Variants in NUSAP1 observed in about 807,000 individuals in gnomAD.
NUSAP1 encodes the protein nucleolar and spindle associated protein 1, also known as nucleolar and spindle-associated protein 1.
Under a neutral mutation model 52.8 loss-of-function variants are expected in NUSAP1, and 32 were observed. The ratio of observed to expected loss-of-function variants is 0.61; its 90% CI spans 0.46 to 0.81. The LOEUF is 0.81. Among genes scored for constraint, NUSAP1 ranks in the 40% least tolerant of loss-of-function variants. The pLI is 0.00. For missense variants in NUSAP1, 499 were observed against 522.3 expected, an observed-to-expected ratio of 0.96 and a Z score of 0.43; for synonymous variants, 195 against 183.1, an observed-to-expected ratio of 1.06 and a Z score of -0.52.
chr15:41,362,020 C>T (rs569681003), intron 6 of NUSAP1, among the ~76,000 whole-genome samples: 5 of 152,040 alleles, frequency 3.3e-5, no homozygotes, highest in South Asian at 2.1e-4. Flanking sequence ...AAAAGACAGA[C>T]TTGTTTGATC....
chr15:41,339,943 A>C, intron 1 of NUSAP1, among the ~76,000 whole-genome samples: 1 of 150,254 alleles, frequency 6.7e-6, no homozygotes. Context: ...CACCACGCCC[A>C]GCTATTTTTT....
intron 10 of NUSAP1, among the ~76,000 whole-genome samples, chr15:41,378,958 T>TTG (rs1566813673): frequency 8.8e-6 from 1 of 114,164 alleles, no homozygotes; most frequent in East Asian, 2.6e-4. Context: ...TTTTTTTTTT[T>TTG]TTTTTTTTTT....
At chr15:41,346,540 T>TA (rs2048577682) in intron 2 of NUSAP1, among the ~76,000 whole-genome samples, 1 of 151,916 alleles carries the variant, frequency 6.6e-6, no homozygotes, top group South Asian at 2.1e-4. Flanking sequence ...TTTTTAAAAA[T>TA]ACGGATGGCT....
intron 2 of NUSAP1, among the ~76,000 whole-genome samples, chr15:41,348,299 G>A (rs1438889439): frequency 2.6e-5 from 4 of 152,024 alleles, no homozygotes; most frequent in Non-Finnish European, 4.4e-5. Flanking sequence ...GGCTGGTCTC[G>A]AAATCCTGAC....
intron 2 of NUSAP1, among the ~76,000 whole-genome samples, chr15:41,344,983 A>C (rs895111891): frequency 2.0e-5 from 3 of 152,010 alleles, no homozygotes; most frequent in African/African-American, 7.2e-5. Flanking sequence ...TTTTGCACCA[A>C]CCTAATACAT....
chr15:41,372,432 A>G (rs954591893), intron 8 of NUSAP1, among the ~76,000 whole-genome samples: 1 of 152,188 alleles, frequency 6.6e-6, no homozygotes, highest in Non-Finnish European at 1.5e-5. Context: ...CTATTTTACT[A>G]TTCACGAACA....
chr15:41,358,261 A>C lies in NUSAP1; in HGVS notation c.660+3A>C. ...ACAATTCCATGAATGAACTGAAGGTATGTAGATAAAATTATGTTCTTAATG... is the reference window on the plus strand; with the variant it reads ...ACAATTCCATGAATGAACTGAAGGTCTGTAGATAAAATTATGTTCTTAATG... On this transcript the variant is annotated splice_donor_region_variant and intron_variant, in intron 6 of 10. Transcript: ENST00000559596. 7.6e-7 allele frequency: 1 copy of C among 1,318,074 alleles called. No individual in the cohort carries two copies. Among genetic ancestry groups the C allele is most frequent in the Non-Finnish European group, 1.1e-6 (1 of 923,532 alleles). The allele number at this position is 1,318,074 out of a possible 1,614,324, so 81.6% of individuals were successfully genotyped here. A position where few individuals can be genotyped will look rare whatever the true frequency, so the allele number is the denominator to read the frequency against.
intron 9 of NUSAP1, 130 bp downstream of exon 9, chr15:41,375,958 T>C: frequency 1.6e-6 from 1 of 617,618 alleles, no homozygotes; most frequent in Non-Finnish European, 2.9e-6. Flanking sequence ...CCCAGATACT[T>C]AGGATGCTGA....
In NUSAP1 at chr15:41,381,026, T is replaced by C. The variant is rs2050186351; in HGVS notation, c.*840T>C. Reference sequence around the variant, plus strand: ...TTATACTGCTCAAGATCGTCATAAATAAAATTTTTTCTCATTGTCATAGAT... The same window carrying C: ...TTATACTGCTCAAGATCGTCATAAACAAAATTTTTTCTCATTGTCATAGAT... On this transcript the variant is annotated 3_prime_UTR_variant, in exon 11 of 11. Coordinates refer to ENST00000559596, the MANE Select transcript of NUSAP1 (RefSeq NM_016359.5). The C allele has an allele frequency of 6.6e-6, 1 of 152,196 alleles. No individual in the cohort carries two copies. Among genetic ancestry groups the C allele is most frequent in the African/African-American group, 2.4e-5 (1 of 41,448 alleles). The allele number at this position is 152,196 out of a possible 1,614,324, so 9.4% of individuals were successfully genotyped here. A position where few individuals can be genotyped will look rare whatever the true frequency, so the allele number is the denominator to read the frequency against.
intron 4 of NUSAP1, among the ~76,000 whole-genome samples, chr15:41,352,237 C>T (rs1013700009): frequency 6.6e-5 from 10 of 152,066 alleles, no homozygotes; most frequent in African/African-American, 1.9e-4. Flanking sequence ...CCACCGCACC[C>T]GGCCTTCCTT....
intron 1 of NUSAP1, among the ~76,000 whole-genome samples, chr15:41,335,915 A>G (rs1181307538): frequency 1.3e-5 from 2 of 150,164 alleles, no homozygotes; most frequent in Non-Finnish European, 3.0e-5. Context: ...TTTAAATTGT[A>G]ATGTTTTATT....
intron 10 of NUSAP1, among the ~76,000 whole-genome samples, chr15:41,379,714 T>G (rs2050132649): frequency 6.6e-6 from 1 of 151,872 alleles, no homozygotes; most frequent in South Asian, 2.1e-4. Flanking sequence ...CTGGCTACCT[T>G]TTTTGTATTT....
At chr15:41,377,118 C>T (rs2049972877) in intron 9 of NUSAP1, 78 bp from the exon 10 acceptor site, 2 of 738,944 alleles carry the variant, frequency 2.7e-6, no homozygotes, top group Admixed American at 3.0e-5. Flanking sequence ...AGCAGGTAAC[C>T]CCACAGATGA....
Position 41,356,024 on chromosome 15 carries a change from T to A in NUSAP1, c.449-15T>A, listed in dbSNP as rs1245674436. ...TTTTTGAAATCCTTCATTATTTCTG[T>A]GTCTTTGGATTTAGGTAACAGAGAT... On this transcript the variant is annotated splice_polypyrimidine_tract_variant and intron_variant, in intron 4 of 10. Coordinates refer to ENST00000559596, the MANE Select transcript of NUSAP1 (RefSeq NM_016359.5). 4 of 1,493,790 alleles carry A rather than the reference T, an allele frequency of 2.7e-6. No individual in the cohort carries two copies. The highest frequency in any genetic ancestry group is 3.7e-6 in the Non-Finnish European group (4 of 1,079,532). 92.5% of individuals were successfully genotyped at this position (1,493,790 alleles called of 1,614,324 possible).
chr15:41,357,356 A>G (rs1223907946), intron 5 of NUSAP1, among the ~76,000 whole-genome samples: 1 of 152,114 alleles, frequency 6.6e-6, no homozygotes, highest in African/African-American at 2.4e-5. Context: ...CAATAGAGCA[A>G]GACTCCGTCT....
At chr15:41,344,121 G>A (rs2048466930) in intron 2 of NUSAP1, 1 of 150,664 alleles carries the variant, frequency 6.6e-6, no homozygotes, top group South Asian at 2.1e-4. Flanking sequence ...GGAGGCTGAG[G>A]CAGGAGAATC....
intron 7 of NUSAP1, among the ~76,000 whole-genome samples, chr15:41,367,397 C>A (rs550458436): frequency 6.6e-6 from 1 of 152,162 alleles, no homozygotes. Flanking sequence ...AGGCTCCAAG[C>A]AACTGGGGTC....
At chr15:41,369,619 G>C (rs904525543) in intron 7 of NUSAP1, among the ~76,000 whole-genome samples, 1 of 151,540 alleles carries the variant, frequency 6.6e-6, no homozygotes, top group Admixed American at 6.6e-5. Flanking sequence ...TTGCACTCCA[G>C]CCTGGGCAAC....
chr15:41,359,838 G>A (rs560370065), intron 6 of NUSAP1, among the ~76,000 whole-genome samples: 2 of 149,736 alleles, frequency 1.3e-5, no homozygotes, highest in African/African-American at 4.9e-5. Flanking sequence ...TCACCATGTT[G>A]GCCAGGCTGG....
Sources: allele counts gnomAD v4.1 joint callset (sites outside exome capture counted in the v4.1 genomes callset), GRCh38; gene constraint gnomAD v4.1.1; transcripts MANE v1.5; gene names NCBI Gene and HGNC (gene_info 2026-07-23, HGNC 2026-07-21).